Variants in ZNF700 observed in about 807,000 individuals in gnomAD.
ZNF700 encodes zinc finger protein 700.
A neutral mutation model predicts 65.3 loss-of-function variants in ZNF700; 38 were observed. The observed-to-expected ratio is 0.58, with a 90% CI of 0.45 to 0.76. The LOEUF is 0.76. Among genes scored for constraint, ZNF700 ranks in the 30% least tolerant of loss-of-function variants. The pLI is 0.00. For missense variants in ZNF700, 857 were observed against 888.4 expected, an observed-to-expected ratio of 0.96 and a Z score of 0.45; for synonymous variants, 285 against 290.4, an observed-to-expected ratio of 0.98 and a Z score of 0.19.
chr19:11,933,114 C>T (rs1171800011), intron 1 of ZNF700, among the ~76,000 whole-genome samples: 1 of 147,632 alleles, frequency 6.8e-6, no homozygotes, highest in Non-Finnish European at 1.5e-5. Flanking sequence ...TCATAGTTCC[C>T]CCTATTTTAA....
intron 1 of ZNF700, among the ~76,000 whole-genome samples, chr19:11,927,003 T>C (rs1972639222): frequency 6.6e-6 from 1 of 152,100 alleles, no homozygotes; most frequent in Non-Finnish European, 1.5e-5. Context: ...TTCTTGAATC[T>C]CACACAGGAA....
intron 1 of ZNF700, among the ~76,000 whole-genome samples, chr19:11,943,235 C>T (rs1972912089): frequency 1.3e-5 from 2 of 152,170 alleles, no homozygotes; most frequent in Admixed American, 6.5e-5. Context: ...TTTGTTATGT[C>T]CTTAACTATG....
chr19:11,949,866 C>A lies in ZNF700; in HGVS notation c.1842C>A (p.His614Gln), dbSNP rs181117467. 1.2e-6 allele frequency: 2 copies of A among 1,613,940 alleles called. No homozygotes were observed. Reference sequence around the variant, plus strand: ...ACCTTCGAAAGCATGGTAGGACTCACACTGGAGAGAAACCCTATGAGTGTA... The same window carrying A: ...ACCTTCGAAAGCATGGTAGGACTCAAACTGGAGAGAAACCCTATGAGTGTA... Reference protein sequence around the residue: ...ASNLRKHGRTHTGEKPYECKQ... With the variant: ...ASNLRKHGRTQTGEKPYECKQ... Residue 614 changes from histidine to glutamine, a missense_variant, in exon 4 of 4, where the codon CAC becomes CAA. Physicochemically the swap from His to Gln is conservative, Grantham distance 24. This residue lies in a region of ZNF700 where 251 missense variants were observed against 250.3 expected (regional missense o/e 1.00). Coordinates refer to ENST00000254321, the MANE Select transcript of ZNF700 (RefSeq NM_144566.3).
At chr19:11,946,796 C>G (rs1972966030) in intron 1 of ZNF700, 1 of 164,020 alleles carries the variant, frequency 6.1e-6, no homozygotes, top group Admixed American at 6.4e-5. Context: ...GTGTCTGACC[C>G]ATTTTTCTTT....
rs1338282019 is a variant in ZNF700, at chr19:11,948,269, T to C, written c.252-7T>C. Reference sequence around the variant, plus strand: ...ACCCTTCATGATGTGTTTCTCATGTTTTACAGGAGTCTCATAGAAGAGAAA... The same window carrying C: ...ACCCTTCATGATGTGTTTCTCATGTCTTACAGGAGTCTCATAGAAGAGAAA... On this transcript the variant is annotated splice_polypyrimidine_tract_variant and splice_region_variant and intron_variant, in intron 3 of 3. Coordinates refer to ENST00000254321, the MANE Select transcript of ZNF700 (RefSeq NM_144566.3). 6.2e-7 allele frequency: 1 copy of C among 1,610,526 alleles called. No homozygotes were observed. Among genetic ancestry groups the C allele is most frequent in the Non-Finnish European group, 8.5e-7 (1 of 1,179,102 alleles).
rs1475460445 is a variant in ZNF700, at chr19:11,949,832, G to C, written c.1808G>C (p.Cys603Ser). 7 of 1,605,334 alleles carry C rather than the reference G, an allele frequency of 4.4e-6. No individual in the cohort carries two copies. The highest frequency in any genetic ancestry group is 5.9e-6 in the Non-Finnish European group (7 of 1,177,718). ...AAGCAATGTGGGAAAGCCTTCAGTTGTGCCTCAAACCTTCGAAAGCATGGT... is the reference window on the plus strand; with the variant it reads ...AAGCAATGTGGGAAAGCCTTCAGTTCTGCCTCAAACCTTCGAAAGCATGGT... Reference protein sequence around the residue: ...ECKQCGKAFSCASNLRKHGRT... With the variant: ...ECKQCGKAFSSASNLRKHGRT... The change falls in exon 4 of 4, where the codon TGT (cysteine) becomes TCT (serine). Residue 603 changes from cysteine to serine, a missense_variant. Physicochemically the swap from Cys to Ser is moderately radical, Grantham distance 112 (BLOSUM62 -1). Transcript: ENST00000254321.
At position 11,950,280 on chromosome 19, in the gene ZNF700, G is replaced by T. The variant is rs754799995; in HGVS notation, c.*27G>T. On this transcript the variant is annotated 3_prime_UTR_variant, in exon 4 of 4. Transcript: ENST00000254321. ...CTGGTTCCTTTTATGGACATGAATA[G>T]ACTCACACTGGAAGGAAGCACTATG... is the stretch of plus-strand genomic sequence containing the variant. The T allele has an allele frequency of 6.3e-7, 1 of 1,587,226 alleles. No homozygotes were observed. The highest frequency in any genetic ancestry group is 8.5e-7 in the Non-Finnish European group (1 of 1,169,948).
chr19:11,933,083 T>A (rs1972738942), intron 1 of ZNF700, among the ~76,000 whole-genome samples: 1 of 148,136 alleles, frequency 6.8e-6, no homozygotes, highest in African/African-American at 2.6e-5. Flanking sequence ...AATCCAGAGT[T>A]CCCTCATTTT....
Position 11,950,513 on chromosome 19 carries a change from C to T in ZNF700, c.*260C>T, listed in dbSNP as rs533391790. The T allele has an allele frequency of 7.1e-5, 45 of 637,378 alleles. 1 individual carries two copies. The East Asian group carries it at 1.3e-3, about 19-fold the overall frequency. 39.5% of individuals were successfully genotyped at this position (637,378 alleles called of 1,614,324 possible). On this transcript the variant is annotated 3_prime_UTR_variant, in exon 4 of 4. Transcript: ENST00000254321. The stretch of plus-strand genomic sequence containing the variant: ...CCGTTTGATATCATGAAAGGACTTA[C>T]ACTGGAGTGAAACCCTATGAATGTA...
At chr19:11,930,962 G>A (rs1387916902) in intron 1 of ZNF700, among the ~76,000 whole-genome samples, 1 of 145,486 alleles carries the variant, frequency 6.9e-6, no homozygotes, top group Non-Finnish European at 1.5e-5. Context: ...TTGCGCCATT[G>A]CTCTCTAGCC....
At chr19:11,933,358 G>T (rs1307951279) in intron 1 of ZNF700, among the ~76,000 whole-genome samples, 1 of 148,228 alleles carries the variant, frequency 6.7e-6, no homozygotes, top group East Asian at 1.9e-4. Flanking sequence ...GAAAATTGAA[G>T]AAGCCAATAT....
In ZNF700 at chr19:11,928,731, CAAAA is replaced by C. The variant is rs779525520; in HGVS notation, c.63+3475_63+3478del. Among the ~76,000 whole-genome samples the C allele has an allele frequency of 3.0e-4, 16 of 53,434 alleles. 2 individuals carry two copies. Among genetic ancestry groups the C allele is most frequent in the South Asian group, 1.3e-3 (2 of 1,546 alleles). 35.1% of individuals were successfully genotyped at this position (53,434 alleles called of 152,430 possible). On this transcript the variant is annotated intron_variant, in intron 1 of 3. Transcript: ENST00000254321. ...TGGGCGACAGAGCGAGACTCCGTCTCAAAAAAAAAAAAAAAAAAAAGAAAGTAGT... is the reference window on the plus strand; with the variant it reads ...TGGGCGACAGAGCGAGACTCCGTCTCAAAAAAAAAAAAAAAAGAAAGTAGT...
At chr19:11,932,757 C>A (rs1408875418) in intron 1 of ZNF700, among the ~76,000 whole-genome samples, 1 of 146,376 alleles carries the variant, frequency 6.8e-6, no homozygotes, top group African/African-American at 2.7e-5. Context: ...CCTGTCTCAG[C>A]CTCCCAAGTA....
rs1375293510 is a variant in ZNF700 at position 11,949,357 on chromosome 19, C to A, written c.1333C>A (p.Pro445Thr). ...CGGTGGGACTCACACTGGAGAGAAACCCTATGAATGTAAGGAATGTGGGAA... is the reference window on the plus strand; with the variant it reads ...CGGTGGGACTCACACTGGAGAGAAAACCTATGAATGTAAGGAATGTGGGAA... ...VHGGTHTGEK[P>T]YECKECGKAF... The change falls in exon 4 of 4, where the codon CCC becomes ACC. Residue 445 changes from proline to threonine, a missense_variant. Coordinates refer to ENST00000254321, the MANE Select transcript of ZNF700 (RefSeq NM_144566.3). 6.2e-7 allele frequency: 1 copy of A among 1,613,596 alleles called. No homozygotes were observed. The highest frequency in any genetic ancestry group is 8.5e-7 in the Non-Finnish European group (1 of 1,179,908).
intron 1 of ZNF700, among the ~76,000 whole-genome samples, chr19:11,939,659 C>T (rs1046899363): frequency 6.6e-6 from 1 of 152,168 alleles, no homozygotes; most frequent in East Asian, 1.9e-4. Flanking sequence ...TGGAGTTCCA[C>T]CACGTTGGCC....
Position 11,950,063 on chromosome 19 carries a change from A to G in ZNF700, c.2039A>G (p.His680Arg). 6.2e-7 allele frequency: 1 copy of G among 1,614,226 alleles called. No homozygotes were observed. The highest frequency in any genetic ancestry group is 8.5e-7 in the Non-Finnish European group (1 of 1,180,028). ...GGAGAGAAGCCCTATGAATGTAAGC[A>G]TTGTGGGAATGGATTCACATCTGCC... is the stretch of plus-strand genomic sequence containing the variant. ...HRGEKPYECK[H>R]CGNGFTSAKI... Residue 680 changes from histidine to arginine, a missense_variant, in exon 4 of 4, where the codon CAT (histidine) becomes CGT (arginine). Coordinates refer to ENST00000254321, the MANE Select transcript of ZNF700 (RefSeq NM_144566.3).
chr19:11,935,005 G>A (rs1018912889), intron 1 of ZNF700, among the ~76,000 whole-genome samples: 4 of 145,750 alleles, frequency 2.7e-5, no homozygotes, highest in Admixed American at 1.3e-4. Context: ...GTGAAACCCC[G>A]TCTCTACTAA....
At position 11,931,356 on chromosome 19, in the gene ZNF700, G is replaced by A. The variant is rs980132755; in HGVS notation, c.63+6083G>A. Reference sequence around the variant, plus strand: ...CAGAGGAGAGGAAGCCGGCTCTCCTGTGTCTTCTTATAAGAGCACTAATCT... The same window carrying A: ...CAGAGGAGAGGAAGCCGGCTCTCCTATGTCTTCTTATAAGAGCACTAATCT... On this transcript the variant is annotated intron_variant, in intron 1 of 3. Coordinates refer to ENST00000254321, the MANE Select transcript of ZNF700 (RefSeq NM_144566.3). Among the ~76,000 whole-genome samples the A allele has an allele frequency of 3.4e-5, 5 of 147,984 alleles. 1 individual carries two copies. Among genetic ancestry groups the A allele is most frequent in the African/African-American group, 1.3e-4 (5 of 37,722 alleles).
At chr19:11,927,374 A>T (rs1381160891) in intron 1 of ZNF700, among the ~76,000 whole-genome samples, 1 of 151,846 alleles carries the variant, frequency 6.6e-6, no homozygotes, top group Non-Finnish European at 1.5e-5. Flanking sequence ...AACAAACAGG[A>T]AAGAGGTCAA....
Sources: gnomAD v4.1 joint callset for allele counts (sites outside exome capture counted in the v4.1 genomes callset) on GRCh38, gnomAD v4.1.1 for gene constraint, gnomAD v4.1.1 regional missense constraint, MANE v1.5 for transcripts, NCBI Gene and HGNC (gene_info 2026-07-23, HGNC 2026-07-21) for gene names.